The following BACH2 variants were observed in gnomAD, a reference collection of about 807,000 sequenced individuals.
The protein encoded by BACH2 is BACH transcriptional regulator 2.
A neutral mutation model predicts 61.8 loss-of-function variants in BACH2; 5 were observed. The observed-to-expected ratio is 0.08, with a 90% CI of 0.04 to 0.17. BACH2 has a LOEUF of 0.17. BACH2 is among the 10% of genes least tolerant of loss of function. BACH2 has a pLI of 1.00. For missense variants in BACH2, 824 were observed against 1,091.1 expected, an observed-to-expected ratio of 0.76 and a Z score of 3.45; for synonymous variants, 446 against 440.1, an observed-to-expected ratio of 1.01 and a Z score of -0.17.
chr6:90,098,290 C>G (rs1404984034), intron 4 of BACH2, among the ~76,000 whole-genome samples: 1 of 151,790 alleles, frequency 6.6e-6, no homozygotes. Context: ...CCGCAACCCC[C>G]ACCCTTCCCT....
intron 5 of BACH2, among the ~76,000 whole-genome samples, chr6:90,061,098 A>G (rs560325379): frequency 2.0e-5 from 3 of 152,162 alleles, no homozygotes; most frequent in African/African-American, 7.2e-5. Context: ...GTGACATCTG[A>G]TTGTTGCTTT....
intron 4 of BACH2, among the ~76,000 whole-genome samples, chr6:90,191,563 G>A (rs980260113): frequency 3.3e-5 from 5 of 152,182 alleles, no homozygotes; most frequent in African/African-American, 7.2e-5. Flanking sequence ...GAATGGAAAC[G>A]TGCATGGATT....
chr6:90,292,540 T>C (rs772438660), intron 1 of BACH2, among the ~76,000 whole-genome samples: 1 of 152,208 alleles, frequency 6.6e-6, no homozygotes, highest in Non-Finnish European at 1.5e-5. Context: ...CATGTCGAAT[T>C]CTCTGTTAAA....
intron 1 of BACH2, among the ~76,000 whole-genome samples, chr6:90,288,310 T>C (rs1347919213): frequency 4.6e-5 from 7 of 152,118 alleles, no homozygotes; most frequent in Non-Finnish European, 8.8e-5. Flanking sequence ...TGCACTCATC[T>C]GCTTGATTTT....
chr6:90,135,953 G>A (rs1038910265), intron 4 of BACH2, among the ~76,000 whole-genome samples: 1 of 152,078 alleles, frequency 6.6e-6, no homozygotes, highest in Non-Finnish European at 1.5e-5. Context: ...ACTCTGCCAC[G>A]GCCAGCTCAT....
chr6:89,951,922 C>T lies in BACH2; in HGVS notation c.244-60G>A. ...ATCAGCACTGCTATTGTCCCGAATC[C>T]CTCAACTGAAGCAAGATAACCAGAC... On this transcript the variant is annotated intron_variant, in intron 6 of 8. Transcript: ENST00000257749. The surrounding 1 kb of genome is among the most constrained non-coding windows in gnomAD (Gnocchi z 6.4). 1 of 1,558,248 alleles carries T rather than the reference C, an allele frequency of 6.4e-7. No homozygotes were observed. The highest frequency in any genetic ancestry group is 1.2e-5 in the South Asian group (1 of 82,222).
chr6:89,947,728 G>C (rs1287368012), intron 7 of BACH2, among the ~76,000 whole-genome samples: 1 of 151,766 alleles, frequency 6.6e-6, no homozygotes, highest in Non-Finnish European at 1.5e-5. Flanking sequence ...ACGACGCCCA[G>C]CTAATTTTTT....
At chr6:90,267,597 G>C (rs554769979) in intron 2 of BACH2, among the ~76,000 whole-genome samples, 1 of 152,286 alleles carries the variant, frequency 6.6e-6, no homozygotes, top group African/African-American at 2.4e-5. Flanking sequence ...TTTAACTGCA[G>C]TGTTGTTAGG....
At chr6:90,211,623 T>TGTGTGTGA (rs1769356647) in intron 3 of BACH2, among the ~76,000 whole-genome samples, 2 of 128,048 alleles carry the variant, frequency 1.6e-5, no homozygotes, top group Non-Finnish European at 3.7e-5. Flanking sequence ...TGTGTGTGTG[T>TGTGTGTGA]GTGTGTGTGC....
intron 3 of BACH2, among the ~76,000 whole-genome samples, chr6:90,220,149 GT>G (rs2097170556): frequency 6.6e-6 from 1 of 152,090 alleles, no homozygotes; most frequent in African/African-American, 2.4e-5. Context: ...TTTTCACAAT[GT>G]TTCCAAAGTA....
At chr6:90,210,958 C>A (rs1769324651) in intron 3 of BACH2, among the ~76,000 whole-genome samples, 1 of 151,804 alleles carries the variant, frequency 6.6e-6, no homozygotes, top group Non-Finnish European at 1.5e-5. Context: ...TCAGGAGTAC[C>A]AGCCTGGCCA....
At chr6:89,970,781 G>A (rs374171234) in intron 6 of BACH2, among the ~76,000 whole-genome samples, 7 of 152,100 alleles carry the variant, frequency 4.6e-5, no homozygotes, top group African/African-American at 9.7e-5. Context: ...TGGGTGGTGC[G>A]CAATTCTAGG....
intron 6 of BACH2, among the ~76,000 whole-genome samples, chr6:89,981,633 T>C (rs1359137683): frequency 6.6e-6 from 1 of 151,982 alleles, no homozygotes; most frequent in African/African-American, 2.4e-5. Flanking sequence ...AGAAAAGAGG[T>C]CAAAGTTAAG....
Position 90,114,826 on chromosome 6 carries a change from T to C in BACH2, c.-161-25717A>G, listed in dbSNP as rs143902810. Among the ~76,000 whole-genome samples, 36 of 152,126 alleles carry C rather than the reference T, an allele frequency of 2.4e-4. No individual in the cohort carries two copies. The East Asian group carries it at 6.6e-3, about 28-fold the overall frequency. Reference sequence around the variant, plus strand: ...AAACAACTTCAACGAAGTTGCAGGATACAAAATCAAGGTACAAAAATCACT... The same window carrying C: ...AAACAACTTCAACGAAGTTGCAGGACACAAAATCAAGGTACAAAAATCACT... On this transcript the variant is annotated intron_variant, in intron 4 of 8. Transcript: ENST00000257749.
At chr6:90,042,880 G>A (rs1465202372) in intron 5 of BACH2, among the ~76,000 whole-genome samples, 1 of 152,150 alleles carries the variant, frequency 6.6e-6, no homozygotes, top group East Asian at 1.9e-4. Flanking sequence ...AGGCTTGTTG[G>A]GTAGCTCTTG....
At chr6:90,197,834 G>A (rs1768811241) in intron 4 of BACH2, among the ~76,000 whole-genome samples, 1 of 152,152 alleles carries the variant, frequency 6.6e-6, no homozygotes, top group Non-Finnish European at 1.5e-5. Flanking sequence ...GAAAATACTA[G>A]GCACTCCTCT....
At chr6:89,992,849 T>C (rs546994384) in intron 6 of BACH2, among the ~76,000 whole-genome samples, 1 of 152,328 alleles carries the variant, frequency 6.6e-6, no homozygotes, top group East Asian at 1.9e-4. Context: ...TTTTAGTAGG[T>C]TGTTATAAAG....
At chr6:90,117,672 T>C (rs1736645353) in intron 4 of BACH2, among the ~76,000 whole-genome samples, 1 of 152,154 alleles carries the variant, frequency 6.6e-6, no homozygotes, top group African/African-American at 2.4e-5. Context: ...TATGGAATTA[T>C]GAACAAAGGA....
chr6:90,069,256 T>C (rs529128383), intron 5 of BACH2, among the ~76,000 whole-genome samples: 40 of 152,314 alleles, frequency 2.6e-4, no homozygotes, highest in African/African-American at 9.6e-4. Flanking sequence ...GATGGAAGGA[T>C]GGATGAGATG....
Sources: allele counts gnomAD v4.1 joint callset (sites outside exome capture counted in the v4.1 genomes callset), GRCh38; gene constraint gnomAD v4.1.1; non-coding constraint Gnocchi (gnomAD v3.1); transcripts MANE v1.5; gene names NCBI Gene and HGNC (gene_info 2026-07-23, HGNC 2026-07-21).